Variants in HP1BP3 observed in about 807,000 individuals in gnomAD.
HP1BP3 encodes the protein heterochromatin protein 1-binding protein 3.
In HP1BP3, 12 loss-of-function variants were observed where a neutral mutation model predicts 62.5. The ratio of observed to expected loss-of-function variants is 0.19; its 90% CI spans 0.12 to 0.31. The LOEUF (loss-of-function observed/expected upper bound fraction) is 0.31, where lower values mean the gene tolerates loss of function less well. Ranked by LOEUF, HP1BP3 falls within the 10% of genes least tolerant of loss-of-function variation. The pLI is 1.00. For synonymous variants in HP1BP3, 260 were observed against 237.8 expected, an observed-to-expected ratio of 1.09 and a Z score of -0.86; for missense variants, 502 against 651.8, an observed-to-expected ratio of 0.77 and a Z score of 2.50.
At chr1:20,780,567 AAG>A (rs1375075245) in intron 1 of HP1BP3, 27 bp from the exon 2 acceptor site, 3 of 658,736 alleles carry the variant, frequency 4.6e-6, no homozygotes, top group African/African-American at 3.6e-5. Context: ...ACCTGGTGTG[AAG>A]ATTAACAGAA....
chr1:20,784,332 C>G (rs2057715402), intron 1 of HP1BP3, among the ~76,000 whole-genome samples: 1 of 152,132 alleles, frequency 6.6e-6, no homozygotes, highest in South Asian at 2.1e-4. Flanking sequence ...TTGAGGCTGC[C>G]ACACTTGTTC....
At chr1:20,773,685 C>A in intron 4 of HP1BP3, 75 bp from the exon 5 acceptor site, 1 of 999,920 alleles carries the variant, frequency 1.0e-6, no homozygotes, top group Non-Finnish European at 1.4e-6. Context: ...GAGGAAAAGA[C>A]CAGGGAGGGA....
intron 4 of HP1BP3, chr1:20,775,846 G>GT (rs2154541239): frequency 9.4e-7 from 1 of 1,069,424 alleles, no homozygotes; most frequent in African/African-American, 1.6e-5. Flanking sequence ...GTAGGTTTGT[G>GT]TAAGTACACT....
At chr1:20,763,069 G>C (rs2056578654) in intron 8 of HP1BP3, among the ~76,000 whole-genome samples, 1 of 152,010 alleles carries the variant, frequency 6.6e-6, no homozygotes, top group African/African-American at 2.4e-5. Context: ...TGTGAGATCT[G>C]GTTAAGAGTG....
At chr1:20,769,340 T>C (rs920776968) in intron 6 of HP1BP3, among the ~76,000 whole-genome samples, 1 of 152,118 alleles carries the variant, frequency 6.6e-6, no homozygotes, top group South Asian at 2.1e-4. Context: ...GGTGAATCAC[T>C]TGGGCCCAGG....
intron 6 of HP1BP3, among the ~76,000 whole-genome samples, chr1:20,768,820 T>C (rs2056916048): frequency 6.6e-6 from 1 of 151,378 alleles, no homozygotes; most frequent in Admixed American, 6.6e-5. Context: ...AGAGCGAGAC[T>C]CCATCTCAAA....
At chr1:20,763,037 A>T (rs929028236) in intron 8 of HP1BP3, among the ~76,000 whole-genome samples, 2 of 152,054 alleles carry the variant, frequency 1.3e-5, no homozygotes, top group Non-Finnish European at 2.9e-5. Flanking sequence ...GGGTTGTTTA[A>T]AACAACTGGT....
intron 9 of HP1BP3, among the ~76,000 whole-genome samples, chr1:20,754,865 C>G (rs939945736): frequency 2.6e-5 from 4 of 152,146 alleles, no homozygotes; most frequent in Admixed American, 2.6e-4. Context: ...TTATAAAACT[C>G]TTAAAACGTA....
intron 3 of HP1BP3, among the ~76,000 whole-genome samples, chr1:20,777,677 C>G (rs2057365327): frequency 6.6e-6 from 1 of 152,150 alleles, no homozygotes; most frequent in African/African-American, 2.4e-5. Flanking sequence ...CCAGGATGGT[C>G]TCGATCTCCT....
At chr1:20,782,566 A>T (rs2057606324) in intron 1 of HP1BP3, among the ~76,000 whole-genome samples, 1 of 151,646 alleles carries the variant, frequency 6.6e-6, no homozygotes, top group African/African-American at 2.4e-5. Flanking sequence ...CCTAGGTGAC[A>T]GAGCAGAGCC....
In HP1BP3 at chr1:20,773,564, T is replaced by C. The variant is rs918222193; in HGVS notation, c.397A>G (p.Ile133Val). 11 of 1,610,168 alleles carry C rather than the reference T, an allele frequency of 6.8e-6. No homozygotes were observed. The highest frequency in any genetic ancestry group is 3.4e-5 in the Admixed American group (2 of 59,644). ...GCAGAAAGGGTAGCCCAGGAAGGAA[T>C]TGTTTTTTTCACTTTCTTCTCCTTT... ...KEKEKKVKKTIPSWATLSASQ... is the reference protein window; with the variant it reads ...KEKEKKVKKTVPSWATLSASQ... Residue 133 changes from isoleucine to valine, a missense_variant, in exon 5 of 13, where the codon ATT becomes GTT. Coordinates refer to ENST00000438032, the MANE Select transcript of HP1BP3 (RefSeq NM_001372052.1).
intron 9 of HP1BP3, among the ~76,000 whole-genome samples, chr1:20,750,910 T>C (rs960075802): frequency 1.3e-5 from 2 of 148,756 alleles, no homozygotes; most frequent in African/African-American, 5.0e-5. Context: ...CTCGGTCTCC[T>C]GGGTTTAAGC....
chr1:20,773,371 A>G (rs956831377), intron 5 of HP1BP3, 80 bp downstream of exon 5: 16 of 1,263,432 alleles, frequency 1.3e-5, no homozygotes, highest in Admixed American at 6.7e-5. Context: ...TATGATGTCT[A>G]GACAGATATA....
At chr1:20,764,966 C>T (rs187346880) in intron 8 of HP1BP3, among the ~76,000 whole-genome samples, 3 of 151,476 alleles carry the variant, frequency 2.0e-5, no homozygotes, top group South Asian at 2.1e-4. Context: ...TTCAAGAGTT[C>T]GAGACCAGCC....
At chr1:20,765,620 A>G (rs1324386077) in intron 7 of HP1BP3, 89 bp from the exon 8 acceptor site, 2 of 1,029,360 alleles carry the variant, frequency 1.9e-6, no homozygotes, top group African/African-American at 1.7e-5. Context: ...TGATTACCAA[A>G]TTTGTCAATT....
At chr1:20,780,849 A>C (rs1351041997) in intron 1 of HP1BP3, among the ~76,000 whole-genome samples, 1 of 152,228 alleles carries the variant, frequency 6.6e-6, no homozygotes. Flanking sequence ...GAAGGATAGA[A>C]TAAAGAGACT....
At chr1:20,758,244 T>C (rs1214696502) in intron 8 of HP1BP3, among the ~76,000 whole-genome samples, 1 of 152,262 alleles carries the variant, frequency 6.6e-6, no homozygotes, top group Non-Finnish European at 1.5e-5. Context: ...AAGCTGGAAC[T>C]GAGACTAGTA....
At chr1:20,758,460 C>T (rs1287675656) in intron 8 of HP1BP3, among the ~76,000 whole-genome samples, 2 of 152,004 alleles carry the variant, frequency 1.3e-5, no homozygotes, top group Admixed American at 1.3e-4. Flanking sequence ...GATTCTCCTG[C>T]CTCAGCCTCC....
rs1209491166 is a variant in HP1BP3 at position 20,740,823 on chromosome 1, AT to A, written c.*3973del. On this transcript the variant is annotated 3_prime_UTR_variant, in exon 13 of 13. Transcript: ENST00000438032. ...ACACAGCAAACTCCATCTCAAAAAAATAATAAGTAAAAGAATATAGTTATAA... is the reference window on the plus strand; with the variant it reads ...ACACAGCAAACTCCATCTCAAAAAAAAATAAGTAAAAGAATATAGTTATAA... Among the ~76,000 whole-genome samples the A allele has an allele frequency of 7.2e-5, 11 of 152,282 alleles. No homozygotes were observed. Among genetic ancestry groups the A allele is most frequent in the African/African-American group, 2.2e-4 (9 of 41,478 alleles).
Sources: gnomAD v4.1 joint callset for allele counts (sites outside exome capture counted in the v4.1 genomes callset) on GRCh38, gnomAD v4.1.1 for gene constraint, MANE v1.5 for transcripts, NCBI Gene and HGNC (gene_info 2026-07-23, HGNC 2026-07-21) for gene names.